CDH4: variants seen among roughly 807,000 people sequenced by gnomAD.
The protein encoded by CDH4 is cadherin-4.
Under a neutral mutation model 86.0 loss-of-function variants are expected in CDH4, and 33 were observed. That is an observed-to-expected ratio of 0.38 (90% confidence interval 0.29 to 0.51). CDH4 has a LOEUF of 0.51. Ranked by LOEUF, CDH4 falls within the 20% of genes least tolerant of loss-of-function variation. The pLI, the probability that CDH4 is intolerant of heterozygous loss-of-function variation, is 0.86. For missense variants in CDH4, 1,114 were observed against 1,307.4 expected (o/e 0.85, Z 2.28); for synonymous variants, 555 against 549.4 (o/e 1.01, Z -0.14).
Position 61,923,713 on chromosome 20 carries a change from A to G in CDH4, c.1628+9A>G, listed in dbSNP as rs753537792. The G allele has an allele frequency of 1.2e-5, 19 of 1,612,182 alleles. No homozygotes were observed. Among genetic ancestry groups the G allele is most frequent in the African/African-American group, 2.7e-5 (2 of 74,936 alleles). The stretch of plus-strand genomic sequence containing the variant: ...ATGCAGCAGGCTGTGAGGTGGGTGC[A>G]CAGGACATGCCTCGTCCCTGCCTGC... On this transcript the variant is annotated intron_variant, in intron 10 of 15. Transcript: ENST00000614565.
At chr20:61,507,457 G>A (rs1278775683) in intron 2 of CDH4, among the ~76,000 whole-genome samples, 1 of 152,194 alleles carries the variant, frequency 6.6e-6, no homozygotes, top group Non-Finnish European at 1.5e-5. Flanking sequence ...ACGTGACCGG[G>A]CTGCTCTTCT....
At chr20:61,570,855 G>A (rs527254516) in intron 2 of CDH4, 25 of 695,562 alleles carry the variant, frequency 3.6e-5, no homozygotes, top group East Asian at 1.6e-4. Flanking sequence ...AGTGTGTTGC[G>A]TTTGGATGTG....
At chr20:61,536,173 C>T (rs1211926386) in intron 2 of CDH4, among the ~76,000 whole-genome samples, 2 of 152,214 alleles carry the variant, frequency 1.3e-5, no homozygotes. Context: ...GGGCTCTGCT[C>T]GGAGAAGCCT....
chr20:61,348,341 G>A (rs942985558), intron 2 of CDH4, among the ~76,000 whole-genome samples: 1 of 152,056 alleles, frequency 6.6e-6, no homozygotes, highest in Non-Finnish European at 1.5e-5. Context: ...AGAACAGCAC[G>A]GGAAAGACCC....
chr20:61,259,419 A>T (rs1314312211), intron 2 of CDH4, among the ~76,000 whole-genome samples: 2 of 152,202 alleles, frequency 1.3e-5, no homozygotes, highest in African/African-American at 4.8e-5. Flanking sequence ...CAAGAATGTC[A>T]TCCCATCTCC....
At chr20:61,922,056 G>A (rs1262288724) in intron 9 of CDH4, among the ~76,000 whole-genome samples, 1 of 152,028 alleles carries the variant, frequency 6.6e-6, no homozygotes, top group African/African-American at 2.4e-5. Flanking sequence ...TCCTCTTTAC[G>A]GCTGCAAGTG....
chr20:61,653,817 T>C (rs1453489223), intron 2 of CDH4, among the ~76,000 whole-genome samples: 1 of 62,950 alleles, frequency 1.6e-5, no homozygotes, highest in Non-Finnish European at 4.2e-5. Context: ...CCTCACTTCC[T>C]AGATGGGATG....
At chr20:61,639,644 G>A (rs768644317) in intron 2 of CDH4, among the ~76,000 whole-genome samples, 4 of 152,158 alleles carry the variant, frequency 2.6e-5, no homozygotes, top group Admixed American at 6.5e-5. Context: ...GCCTGCACAC[G>A]GGCCCTGACT....
chr20:61,787,903 G>C (rs577599571), intron 4 of CDH4, among the ~76,000 whole-genome samples: 95 of 152,336 alleles, frequency 6.2e-4, no homozygotes, highest in African/African-American at 2.1e-3. Context: ...AAATGGCCAG[G>C]GAGAGGGTGA....
In CDH4 at chr20:61,884,586, G is replaced by A. The variant is rs544000854; in HGVS notation, c.1051-10324G>A. The stretch of plus-strand genomic sequence containing the variant: ...ACAGCCTGGGGGCACCCAGCGAGGG[G>A]CTCCATGCTCAGCCCCTCCCCACCC... On this transcript the variant is annotated intron_variant, in intron 7 of 15. Transcript: ENST00000614565. Among the ~76,000 whole-genome samples, 321 of 152,298 alleles carry A rather than the reference G, an allele frequency of 2.1e-3. 2 individuals carry two copies. The highest frequency in any genetic ancestry group is 7.6e-4 in the Non-Finnish European group (52 of 68,004).
intron 5 of CDH4, 120 bp downstream of exon 5, chr20:61,844,943 C>A: frequency 9.5e-7 from 1 of 1,053,534 alleles, no homozygotes. Flanking sequence ...AGCACTCCAA[C>A]TTTGGCCTGG....
rs931453457 is a variant in CDH4, at chr20:61,703,383, G to A, written c.170-40180G>A. Among the ~76,000 whole-genome samples the A allele has an allele frequency of 1.3e-5, 2 of 152,174 alleles. No individual in the cohort carries two copies. Among genetic ancestry groups the A allele is most frequent in the African/African-American group, 4.8e-5 (2 of 41,426 alleles). On this transcript the variant is annotated intron_variant, in intron 2 of 15. Coordinates refer to ENST00000614565, the MANE Select transcript of CDH4 (RefSeq NM_001794.5). The surrounding 1 kb of genome is among the most constrained non-coding windows in gnomAD (Gnocchi z 4.3). The stretch of plus-strand genomic sequence containing the variant: ...GGCAGGATGGACACAGTTGATACTC[G>A]AGCGTGAATGGAGACACTGGCAGCA...
rs980116752 is a variant in CDH4 at position 61,811,923 on chromosome 20, C to T, written c.577-32745C>T. Among the ~76,000 whole-genome samples the T allele has an allele frequency of 2.0e-5, 3 of 152,130 alleles. No homozygotes were observed. The highest frequency in any genetic ancestry group is 4.4e-5 in the Non-Finnish European group (3 of 68,028). ...CTGACCGCAGGTGATCCACCTACCT[C>T]GGCCTCCCAAAGTGCTAGGATTATA... On this transcript the variant is annotated intron_variant, in intron 4 of 15. Coordinates refer to ENST00000614565, the MANE Select transcript of CDH4 (RefSeq NM_001794.5). This position sits in a 1 kb window ranked among gnomAD's most constrained non-coding sequence, Gnocchi z 4.4.
chr20:61,341,879 C>T (rs2084650980), intron 2 of CDH4, among the ~76,000 whole-genome samples: 1 of 152,192 alleles, frequency 6.6e-6, no homozygotes, highest in Non-Finnish European at 1.5e-5. Context: ...TGAGAGGACC[C>T]AGGACAGTCA....
intron 2 of CDH4, among the ~76,000 whole-genome samples, chr20:61,483,319 CTG>C (rs72148343): frequency 0.059 from 9,052 of 152,214 alleles, 949 homozygotes; most frequent in African/African-American, 0.21. Context: ...CCAGTTTGAT[CTG>C]TGTTTGTGGC....
rs564945315 is a variant in CDH4, at chr20:61,829,769, C to G, written c.577-14899C>G. On this transcript the variant is annotated intron_variant, in intron 4 of 15. Coordinates refer to ENST00000614565, the MANE Select transcript of CDH4 (RefSeq NM_001794.5). The surrounding 1 kb of genome is among the most constrained non-coding windows in gnomAD (Gnocchi z 4.2). Reference sequence around the variant, plus strand: ...TGTGGGACCCTTGCTCAGCCTCCAGCTTTGGGGCTGATGGCTCTGCCCCCA... The same window carrying G: ...TGTGGGACCCTTGCTCAGCCTCCAGGTTTGGGGCTGATGGCTCTGCCCCCA... 9.2e-5 allele frequency among the ~76,000 whole-genome samples: 14 copies of G among 152,150 alleles called. No homozygotes were observed. The highest frequency in any genetic ancestry group is 1.8e-4 in the Non-Finnish European group (12 of 68,014).
intron 2 of CDH4, among the ~76,000 whole-genome samples, chr20:61,646,190 A>G (rs2087059340): frequency 1.3e-5 from 2 of 152,118 alleles, no homozygotes; most frequent in Non-Finnish European, 2.9e-5. Context: ...AGCTCATTAA[A>G]GAACCCGGCA....
chr20:61,536,368 G>A (rs1381533623), intron 2 of CDH4, among the ~76,000 whole-genome samples: 1 of 152,140 alleles, frequency 6.6e-6, no homozygotes, highest in Non-Finnish European at 1.5e-5. Context: ...GAAAGGAAGA[G>A]GCCGCACCCA....
At chr20:61,410,475 A>C (rs2085112243) in intron 2 of CDH4, among the ~76,000 whole-genome samples, 1 of 109,558 alleles carries the variant, frequency 9.1e-6, no homozygotes, top group African/African-American at 2.9e-5. Context: ...CCATCCTCTC[A>C]CTTGTTAGTC....
Sources: gnomAD v4.1 joint callset for allele counts (sites outside exome capture counted in the v4.1 genomes callset) on GRCh38, gnomAD v4.1.1 for gene constraint, Gnocchi (gnomAD v3.1) non-coding constraint, MANE v1.5 for transcripts, NCBI Gene and HGNC (gene_info 2026-07-23, HGNC 2026-07-21) for gene names.